The following CFAP20DC variants were observed in gnomAD, a reference collection of about 807,000 sequenced individuals.
CFAP20DC encodes the protein CFAP20 domain containing, also known as protein CFAP20DC.
A neutral mutation model predicts 101.7 loss-of-function variants in CFAP20DC; 84 were observed. The observed-to-expected ratio is 0.83, with a 90% CI of 0.69 to 0.99. The LOEUF is 0.99. CFAP20DC is among the 50% of genes least tolerant of loss of function. The probability of loss-of-function intolerance (pLI) is 0.00; values close to 1 mark genes in which losing one functional copy is unlikely to be tolerated. For synonymous variants in CFAP20DC, 359 were observed against 351.2 expected (o/e 1.02, Z -0.25); for missense variants, 1,007 against 970.3 (o/e 1.04, Z -0.50).
intron 5 of CFAP20DC, among the ~76,000 whole-genome samples, chr3:58,916,256 G>A (rs1479852135): frequency 2.0e-5 from 3 of 152,016 alleles, no homozygotes; most frequent in Non-Finnish European, 4.4e-5. Flanking sequence ...GCATGGCATG[G>A]ACATGACATG....
chr3:58,860,544 C>A (rs115539766), intron 12 of CFAP20DC, among the ~76,000 whole-genome samples: 2,603 of 152,180 alleles, frequency 0.017, 40 homozygotes, highest in Non-Finnish European at 0.025. Context: ...GACTGTTACA[C>A]AAGACAAATT....
intron 3 of CFAP20DC, among the ~76,000 whole-genome samples, chr3:58,735,016 AC>A: frequency 6.6e-6 from 1 of 152,220 alleles, no homozygotes; most frequent in Non-Finnish European, 1.5e-5. Context: ...GACCTGACTC[AC>A]CAGGGGCTAC....
intron 5 of CFAP20DC, among the ~76,000 whole-genome samples, chr3:58,925,985 A>G (rs567937552): frequency 2.6e-5 from 4 of 152,368 alleles, no homozygotes; most frequent in African/African-American, 9.6e-5. Context: ...GACCAGCATA[A>G]GAAGGCATAA....
At chr3:59,049,565 C>T in intron 1 of CFAP20DC, 46 bp downstream of exon 1, 7 of 1,517,346 alleles carry the variant, frequency 4.6e-6, no homozygotes, top group Non-Finnish European at 6.2e-6. Flanking sequence ...CTACCTCACC[C>T]AAGAGGAGAA....
Position 58,867,939 on chromosome 3 carries a change from A to G in CFAP20DC, c.1016-3T>C, listed in dbSNP as rs368243575. On this transcript the variant is annotated splice_polypyrimidine_tract_variant and splice_region_variant and intron_variant, in intron 9 of 16. Coordinates refer to ENST00000482387, the MANE Select transcript of CFAP20DC (RefSeq NM_001394063.1). ...ATGCATAATATGTAGATTGGCTGCT[A>G]CATTTTCATATCAAAGCACAAAAGC... The G allele has an allele frequency of 1.2e-6, 2 of 1,602,524 alleles. No homozygotes were observed. The highest frequency in any genetic ancestry group is 1.7e-6 in the Non-Finnish European group (2 of 1,175,318).
At chr3:58,812,376 T>C (rs1232569206) in intron 14 of CFAP20DC, among the ~76,000 whole-genome samples, 3 of 152,224 alleles carry the variant, frequency 2.0e-5, no homozygotes, top group African/African-American at 7.2e-5. Context: ...TATGCAGCCA[T>C]AAAAAATGAT....
At chr3:58,850,185 T>C (rs2078095232) in intron 12 of CFAP20DC, among the ~76,000 whole-genome samples, 1 of 152,186 alleles carries the variant, frequency 6.6e-6, no homozygotes, top group Admixed American at 6.5e-5. Flanking sequence ...ATGAGAAATG[T>C]AGTGCTATTT....
chr3:58,942,031 G>A (rs1446502745), intron 4 of CFAP20DC, among the ~76,000 whole-genome samples: 1 of 152,126 alleles, frequency 6.6e-6, no homozygotes, highest in Admixed American at 6.5e-5. Context: ...TGAGGATGTT[G>A]TTTTCCATTC....
chr3:58,943,215 T>G (rs1219209898), intron 4 of CFAP20DC, among the ~76,000 whole-genome samples: 1 of 152,218 alleles, frequency 6.6e-6, no homozygotes, highest in East Asian at 1.9e-4. Context: ...AGCACAGTGC[T>G]CGAGCTCTGC....
rs2079093090 is a variant in CFAP20DC at position 58,859,716 on chromosome 3, G to GAA, written c.1593+3840_1593+3841dup. ...TTATGTTCTAATTCATAATACATAG[G>GAA]AATAAAAATGCAAGGCAGTATATTC... On this transcript the variant is annotated intron_variant, in intron 12 of 16. Coordinates refer to ENST00000482387, the MANE Select transcript of CFAP20DC (RefSeq NM_001394063.1). This position sits in a 1 kb window ranked among gnomAD's most constrained non-coding sequence, Gnocchi z 4.1. Among the ~76,000 whole-genome samples, 1 of 152,050 alleles carries GAA rather than the reference G, an allele frequency of 6.6e-6. No individual in the cohort carries two copies. Among genetic ancestry groups the GAA allele is most frequent in the South Asian group, 2.1e-4 (1 of 4,822 alleles).
At chr3:58,929,003 T>C (rs1298674754) in intron 5 of CFAP20DC, among the ~76,000 whole-genome samples, 3 of 152,186 alleles carry the variant, frequency 2.0e-5, no homozygotes, top group Non-Finnish European at 4.4e-5. Context: ...TTAGGAAACT[T>C]TGCTCCACAG....
At chr3:59,020,837 A>G (rs1418133283) in intron 4 of CFAP20DC, among the ~76,000 whole-genome samples, 1 of 152,112 alleles carries the variant, frequency 6.6e-6, no homozygotes, top group African/African-American at 2.4e-5. Flanking sequence ...CTGGAACGAG[A>G]AGACCCAGAC....
chr3:58,937,129 A>T (rs2087801101), intron 5 of CFAP20DC, among the ~76,000 whole-genome samples: 1 of 152,150 alleles, frequency 6.6e-6, no homozygotes, highest in African/African-American at 2.4e-5. Context: ...AAAATGTCTG[A>T]ACCCATATCA....
rs939004608 is a variant in CFAP20DC, at chr3:58,864,121, G to A, written c.1259-229C>T. ...TTACAGGTGCACGCCATCATGCCCGGCTAATTTTTGTATTTTTAGTAGAGA... is the reference window on the plus strand; with the variant it reads ...TTACAGGTGCACGCCATCATGCCCGACTAATTTTTGTATTTTTAGTAGAGA... On this transcript the variant is annotated intron_variant, in intron 11 of 16. Coordinates refer to ENST00000482387, the MANE Select transcript of CFAP20DC (RefSeq NM_001394063.1). The surrounding 1 kb of genome is among the most constrained non-coding windows in gnomAD (Gnocchi z 4.7). Among the ~76,000 whole-genome samples, 9 of 152,100 alleles carry A rather than the reference G, an allele frequency of 5.9e-5. No individual in the cohort carries two copies. The highest frequency in any genetic ancestry group is 3.3e-4 in the Admixed American group (5 of 15,272).
intron 13 of CFAP20DC, among the ~76,000 whole-genome samples, chr3:58,845,721 T>G (rs1275940270): frequency 2.0e-5 from 3 of 150,918 alleles, no homozygotes; most frequent in Non-Finnish European, 4.4e-5. Context: ...AAAAGAGAAT[T>G]TTAGACCAAT....
At chr3:58,803,710 T>C (rs953302387) in intron 15 of CFAP20DC, among the ~76,000 whole-genome samples, 2 of 152,206 alleles carry the variant, frequency 1.3e-5, no homozygotes, top group Non-Finnish European at 2.9e-5. Context: ...CATCTGCAGG[T>C]TTTCTGAACA....
intron 5 of CFAP20DC, among the ~76,000 whole-genome samples, chr3:58,930,031 C>G (rs756102692): frequency 6.6e-6 from 1 of 152,052 alleles, no homozygotes. Flanking sequence ...CTGGTTAATG[C>G]CTTCCTGTCT....
rs1372931978 is a variant in CFAP20DC at position 59,015,153 on chromosome 3, C to G, written c.278+24404G>C. Among the ~76,000 whole-genome samples, 2 of 151,946 alleles carry G rather than the reference C, an allele frequency of 1.3e-5. No individual in the cohort carries two copies. The highest frequency in any genetic ancestry group is 2.9e-5 in the Non-Finnish European group (2 of 67,982). ...GGTGCGGGAGGAGGCAGGCTTGGACCCTGAATAATCCTGCAGGTGCCTTGG... is the reference window on the plus strand; with the variant it reads ...GGTGCGGGAGGAGGCAGGCTTGGACGCTGAATAATCCTGCAGGTGCCTTGG... On this transcript the variant is annotated intron_variant, in intron 4 of 16. Coordinates refer to ENST00000482387, the MANE Select transcript of CFAP20DC (RefSeq NM_001394063.1). This position sits in a 1 kb window ranked among gnomAD's most constrained non-coding sequence, Gnocchi z 5.4.
chr3:58,812,863 T>C (rs970436032), intron 14 of CFAP20DC, among the ~76,000 whole-genome samples: 1 of 151,840 alleles, frequency 6.6e-6, no homozygotes, highest in Non-Finnish European at 1.5e-5. Context: ...GTAATTAAAG[T>C]TCATGTATTG....
Sources: gnomAD v4.1 joint callset for allele counts (sites outside exome capture counted in the v4.1 genomes callset) on GRCh38, gnomAD v4.1.1 for gene constraint, Gnocchi (gnomAD v3.1) non-coding constraint, MANE v1.5 for transcripts, NCBI Gene and HGNC (gene_info 2026-07-23, HGNC 2026-07-21) for gene names.